FGD4: variants seen among roughly 807,000 people sequenced by gnomAD.
FGD4 encodes the protein FYVE, RhoGEF and PH domain-containing protein 4.
FGD4 carries 42 observed loss-of-function variants against 102.0 expected under a neutral mutation model. The ratio of observed to expected loss-of-function variants is 0.41; its 90% CI spans 0.32 to 0.53. FGD4 has a LOEUF of 0.53. FGD4 is among the 20% of genes least tolerant of loss of function. The probability of loss-of-function intolerance (pLI) is 0.21; values close to 1 mark genes in which losing one functional copy is unlikely to be tolerated. For missense variants in FGD4, 902 were observed against 1,078.2 expected (o/e 0.84, Z 2.29); for synonymous variants, 380 against 375.7 (o/e 1.01, Z -0.13).
At chr12:32,424,586 G>A (rs1019830995) in intron 1 of FGD4, among the ~76,000 whole-genome samples, 4 of 152,120 alleles carry the variant, frequency 2.6e-5, no homozygotes, top group African/African-American at 9.7e-5. Context: ...GTATATGCCC[G>A]ATAATGGGAT....
At chr12:32,550,493 G>A (rs1398626823) in intron 1 of FGD4, among the ~76,000 whole-genome samples, 1 of 151,748 alleles carries the variant, frequency 6.6e-6, no homozygotes, top group Non-Finnish European at 1.5e-5. Flanking sequence ...AAAATAGTGG[G>A]ACCCCGTCTC....
Position 32,576,246 on chromosome 12 carries a change from A to C in FGD4, c.320-20A>C. 2 of 1,557,528 alleles carry C rather than the reference A, an allele frequency of 1.3e-6. No individual in the cohort carries two copies. The highest frequency in any genetic ancestry group is 1.7e-6 in the Non-Finnish European group (2 of 1,149,576). On this transcript the variant is annotated intron_variant, in intron 2 of 16. Transcript: ENST00000534526. Reference sequence around the variant, plus strand: ...GAACAAAATATCAGTGAAATACTATATTCTATTCTTTTTCTACAGTGCCTC... The same window carrying C: ...GAACAAAATATCAGTGAAATACTATCTTCTATTCTTTTTCTACAGTGCCTC...
At chr12:32,485,144 C>T (rs1943858351) in intron 1 of FGD4, among the ~76,000 whole-genome samples, 1 of 152,164 alleles carries the variant, frequency 6.6e-6, no homozygotes, top group African/African-American at 2.4e-5. Context: ...TGGCCTCAAA[C>T]ATAAAACATT....
chr12:32,568,257 A>T (rs1470462520), intron 2 of FGD4, among the ~76,000 whole-genome samples: 1 of 152,254 alleles, frequency 6.6e-6, no homozygotes, highest in Admixed American at 6.5e-5. Flanking sequence ...TAGATTAGAG[A>T]TTGGATAAAC....
intron 14 of FGD4, among the ~76,000 whole-genome samples, chr12:32,628,287 G>A (rs1045857501): frequency 1.3e-5 from 2 of 152,094 alleles, no homozygotes; most frequent in South Asian, 2.1e-4. Flanking sequence ...GAGCTGCCAG[G>A]GGTTTTTGAA....
chr12:32,446,046 A>C (rs1942603562), intron 1 of FGD4, among the ~76,000 whole-genome samples: 1 of 152,130 alleles, frequency 6.6e-6, no homozygotes, highest in South Asian at 2.1e-4. Context: ...CCAGCTACTC[A>C]GGAGACTGAG....
rs555146456 is a variant in FGD4 at position 32,628,747 on chromosome 12, T to C, written c.2172+2968T>C. On this transcript the variant is annotated intron_variant, in intron 14 of 16. Transcript: ENST00000534526. ...GTTGTGATGAGCCGAGATTGCGCCA[T>C]TGCACTCCAGCCTGGGCGACAGAGC... Among the ~76,000 whole-genome samples, 21 of 152,114 alleles carry C rather than the reference T, an allele frequency of 1.4e-4. No individual in the cohort carries two copies. In the East Asian group the frequency reaches 3.5e-3, roughly 25 times the overall value.
chr12:32,545,654 T>G (rs1248175696), intron 1 of FGD4, among the ~76,000 whole-genome samples: 1 of 152,234 alleles, frequency 6.6e-6, no homozygotes, highest in African/African-American at 2.4e-5. Flanking sequence ...GTTTTAATCT[T>G]CCCATTGGAA....
At chr12:32,408,410 G>T (rs1297244952) in intron 1 of FGD4, among the ~76,000 whole-genome samples, 1 of 152,038 alleles carries the variant, frequency 6.6e-6, no homozygotes, top group African/African-American at 2.4e-5. Context: ...CAGGTGATCC[G>T]CCCACCACGG....
intron 1 of FGD4, among the ~76,000 whole-genome samples, chr12:32,525,701 C>T (rs185094827): frequency 3.9e-5 from 6 of 152,300 alleles, no homozygotes; most frequent in South Asian, 2.1e-4. Flanking sequence ...ACCGGGGCTG[C>T]GTGTGGCGCT....
At chr12:32,531,313 GAT>G (rs1941799563) in intron 1 of FGD4, among the ~76,000 whole-genome samples, 1 of 151,996 alleles carries the variant, frequency 6.6e-6, no homozygotes, top group African/African-American at 2.4e-5. Context: ...AAAATTAAAA[GAT>G]AATTTACATA....
At position 32,564,046 on chromosome 12, in the gene FGD4, A is replaced by G. The variant is rs1174090345; in HGVS notation, c.167-91A>G. ...GGGAGAGGGAGGGGGAGGGGGAGGG[A>G]GAGGGAGTGGGAGAGGGGAAATTTA... On this transcript the variant is annotated intron_variant, in intron 1 of 16. Transcript: ENST00000534526. The G allele has an allele frequency of 1.1e-5, 13 of 1,146,320 alleles. No homozygotes were observed. The East Asian group carries it at 2.3e-4, about 20-fold the overall frequency. The allele number at this position is 1,146,320 out of a possible 1,614,324, so 71.0% of individuals were successfully genotyped here.
At chr12:32,492,822 A>G (rs1019683127) in intron 1 of FGD4, among the ~76,000 whole-genome samples, 1 of 152,046 alleles carries the variant, frequency 6.6e-6, no homozygotes, top group African/African-American at 2.4e-5. Flanking sequence ...TAGTTCATAG[A>G]GTTTTTTAAA....
At chr12:32,553,254 A>G (rs1163424355) in intron 1 of FGD4, among the ~76,000 whole-genome samples, 1 of 152,176 alleles carries the variant, frequency 6.6e-6, no homozygotes, top group Non-Finnish European at 1.5e-5. Flanking sequence ...CATGGGTCTT[A>G]TCAGCTCCTA....
chr12:32,595,709 T>C (rs1359516074), intron 4 of FGD4, among the ~76,000 whole-genome samples: 2 of 152,178 alleles, frequency 1.3e-5, no homozygotes, highest in Middle Eastern at 3.2e-3. Flanking sequence ...GGGTGGGAAA[T>C]ATGCCAGGCT....
chr12:32,418,300 T>C (rs1003905569), intron 1 of FGD4, among the ~76,000 whole-genome samples: 10 of 152,076 alleles, frequency 6.6e-5, no homozygotes, highest in African/African-American at 2.4e-4. Context: ...TCCTGGATGG[T>C]CTTCATCCTT....
chr12:32,606,289 C>T (rs1034205229), intron 7 of FGD4, among the ~76,000 whole-genome samples: 1 of 129,294 alleles, frequency 7.7e-6, no homozygotes, highest in African/African-American at 3.1e-5. Context: ...AACTTCCAAA[C>T]TAGTTTCCCC....
At chr12:32,432,340 G>A (rs1211248496) in intron 1 of FGD4, among the ~76,000 whole-genome samples, 2 of 115,256 alleles carry the variant, frequency 1.7e-5, no homozygotes, top group African/African-American at 5.4e-5. Context: ...GATTACAGGC[G>A]TGAGCCACCG....
rs1423736692 is a variant in FGD4, at chr12:32,625,545, T to C, written c.2047-109T>C. The C allele has an allele frequency of 5.1e-6, 7 of 1,377,848 alleles. No individual in the cohort carries two copies. In the Admixed American group the frequency reaches 1.4e-4, roughly 28 times the overall value. 85.4% of individuals were successfully genotyped at this position (1,377,848 alleles called of 1,614,324 possible). A position where few individuals can be genotyped will look rare whatever the true frequency, so the allele number is the denominator to read the frequency against. The stretch of plus-strand genomic sequence containing the variant: ...TCAGCTTCCGAAAGTGCTGGGATTA[T>C]AGTTCAGAACATGGTTTGAGCAATG... On this transcript the variant is annotated intron_variant, in intron 13 of 16. Transcript: ENST00000534526.
Sources: allele counts gnomAD v4.1 joint callset (sites outside exome capture counted in the v4.1 genomes callset), GRCh38; gene constraint gnomAD v4.1.1; transcripts MANE v1.5; gene names NCBI Gene and HGNC (gene_info 2026-07-23, HGNC 2026-07-21).